ACE: variants seen among roughly 807,000 people sequenced by gnomAD.
ACE encodes the protein angiotensin I converting enzyme.
Under a neutral mutation model 162.3 loss-of-function variants are expected in ACE, and 122 were observed. That is an observed-to-expected ratio of 0.75 (90% confidence interval 0.65 to 0.87). The LOEUF is 0.87. ACE is among the 40% of genes least tolerant of loss of function. The probability of loss-of-function intolerance (pLI) is 0.00; values close to 1 mark genes in which losing one functional copy is unlikely to be tolerated. For missense variants in ACE, 1,799 were observed against 1,735.1 expected, an observed-to-expected ratio of 1.04 and a Z score of -0.65; for synonymous variants, 796 against 720.6, an observed-to-expected ratio of 1.10 and a Z score of -1.68.
At chr17:63,483,344 T>C in intron 9 of ACE, 116 bp from the exon 10 acceptor site, 1 of 1,469,304 alleles carries the variant, frequency 6.8e-7, no homozygotes, top group Non-Finnish European at 9.5e-7. Flanking sequence ...CAGGAAGTCT[T>C]CCCCAGTTCC....
intron 15 of ACE, 111 bp from the exon 16 acceptor site, chr17:63,488,537 C>A (rs1298440487): frequency 1.7e-6 from 2 of 1,165,424 alleles, no homozygotes; most frequent in Non-Finnish European, 2.5e-6. Context: ...CCTATACAGT[C>A]ACTTTTATGT....
chr17:63,478,988 C>T lies in ACE; in HGVS notation c.418-19C>T. ...CCAGGGGCTGGTCACTGGAGCATTC[C>T]TCCCCTCTGACTCCCCAGTACAACG... is the stretch of plus-strand genomic sequence containing the variant. On this transcript the variant is annotated intron_variant, in intron 2 of 24. Coordinates refer to ENST00000290866, the MANE Select transcript of ACE (RefSeq NM_000789.4). 1.2e-6 allele frequency: 2 copies of T among 1,607,062 alleles called. No individual in the cohort carries two copies. Among genetic ancestry groups the T allele is most frequent in the South Asian group, 1.1e-5 (1 of 90,512 alleles).
chr17:63,484,181 A>G lies in ACE; in HGVS notation c.1710-149A>G, dbSNP rs532218140. 1.6e-4 allele frequency: 197 copies of G among 1,217,380 alleles called. No individual in the cohort carries two copies. In the African/African-American group the frequency reaches 2.5e-3, roughly 15 times the overall value. The allele number at this position is 1,217,380 out of a possible 1,614,324, so 75.4% of individuals were successfully genotyped here. A position where few individuals can be genotyped will look rare whatever the true frequency, so the allele number is the denominator to read the frequency against. The stretch of plus-strand genomic sequence containing the variant: ...GGCGACACAAATGCCCCCTGCCACC[A>G]TCAGAGAGATCCCAGGCCCCAGGGT... On this transcript the variant is annotated intron_variant, in intron 11 of 24. Transcript: ENST00000290866. The surrounding 1 kb of genome is among the most constrained non-coding windows in gnomAD (Gnocchi z 4.0).
intron 22 of ACE, among the ~76,000 whole-genome samples, 162 bp downstream of exon 22, chr17:63,494,632 G>T (rs1330408760): frequency 1.3e-5 from 2 of 152,242 alleles, no homozygotes; most frequent in Non-Finnish European, 2.9e-5. Context: ...TGCCAAGGCT[G>T]ATGGGTTTTT....
rs4355 is a variant in ACE at position 63,494,124 on chromosome 17, G to C, written c.3281+58G>C. 5.3e-4 allele frequency: 854 copies of C among 1,608,488 alleles called. 8 individuals are homozygous for C. The African/African-American group carries it at 0.01, about 19-fold the overall frequency. On this transcript the variant is annotated intron_variant, in intron 21 of 24. Coordinates refer to ENST00000290866, the MANE Select transcript of ACE (RefSeq NM_000789.4). ...GGGATCTCTGCGAGTGTCTGCATGT[G>C]CCTGGGTGTCTGGATGGGCCAGGGT...
In ACE at chr17:63,484,580, G is replaced by T. The variant is rs1376674670; in HGVS notation, c.1921+39G>T. The T allele has an allele frequency of 1.3e-6, 2 of 1,581,062 alleles. No individual in the cohort carries two copies. Among genetic ancestry groups the T allele is most frequent in the Non-Finnish European group, 1.7e-6 (2 of 1,163,870 alleles). On this transcript the variant is annotated intron_variant, in intron 12 of 24. Coordinates refer to ENST00000290866, the MANE Select transcript of ACE (RefSeq NM_000789.4). The surrounding 1 kb of genome is among the most constrained non-coding windows in gnomAD (Gnocchi z 4.0). ...TGAGGATGGTGTGGGGCTAAGGTGG[G>T]TCCTCAACTCTGGGCTTGGCCCAGG...
At chr17:63,479,229 C>T in intron 3 of ACE, 129 bp downstream of exon 3, 1 of 795,164 alleles carries the variant, frequency 1.3e-6, no homozygotes, top group Non-Finnish European at 2.1e-6. Context: ...TGCCCTCCAA[C>T]TGGGGCTGGA....
intron 8 of ACE, 84 bp from the exon 9 acceptor site, chr17:63,482,945 C>G (rs1271074206): frequency 6.9e-7 from 1 of 1,451,882 alleles, no homozygotes; most frequent in Non-Finnish European, 9.7e-7. Flanking sequence ...GCCTCACTTT[C>G]TGCTGCCCCG....
At position 63,479,101 on chromosome 17, in the gene ACE, G is replaced by T. The variant is rs1426388118; in HGVS notation, c.511+1G>T. 6.2e-7 allele frequency: 1 copy of T among 1,611,102 alleles called. No homozygotes were observed. Among genetic ancestry groups the T allele is most frequent in the Non-Finnish European group, 8.5e-7 (1 of 1,178,806 alleles). ...GCCACCTGCTGGTCCCTGGACCCAG[G>T]TACGGCCCTTGCAGCTCCCCTCTCG... On this transcript the variant is annotated splice_donor_variant, in intron 3 of 24. Transcript: ENST00000290866. LOFTEE classifies it high-confidence loss of function.
At chr17:63,480,605 TA>T (rs2049691070) in intron 5 of ACE, 77 bp downstream of exon 5, 1 of 1,522,156 alleles carries the variant, frequency 6.6e-7, no homozygotes, top group Admixed American at 1.7e-5. Context: ...ATGTCCAGGG[TA>T]AGGGAAGGTG....
chr17:63,486,332 G>A (rs2029931921), intron 13 of ACE: 1 of 600,880 alleles, frequency 1.7e-6, no homozygotes, highest in Non-Finnish European at 3.0e-6. Context: ...CTCTGCCCCT[G>A]CCTGGATATG....
Position 63,493,479 on chromosome 17 carries a change from G to A in ACE, c.2956G>A (p.Ala986Thr). 1 of 1,613,906 alleles carries A rather than the reference G, an allele frequency of 6.2e-7. No homozygotes were observed. The highest frequency in any genetic ancestry group is 1.3e-5 in the African/African-American group (1 of 74,966). ...TTVNLEDLVV[A>T]HHEMGHIQYF... is the part of the protein sequence containing the mutation. ...CGTGAACTTGGAGGACCTGGTGGTG[G>A]CCCACCACGAAATGGGCCACATCCA... Residue 986 changes from alanine to threonine, a missense_variant, in exon 20 of 25, where the codon GCC becomes ACC. Transcript: ENST00000290866.
At position 63,480,268 on chromosome 17, in the gene ACE, G is replaced by A. The variant is rs972543112; in HGVS notation, c.656-69G>A. On this transcript the variant is annotated intron_variant, in intron 4 of 24. Transcript: ENST00000290866. The stretch of plus-strand genomic sequence containing the variant: ...CGGGCCTCGAGCCAGTGGAAGAGCC[G>A]ACTTACAGCTGAGAGGCTGAGGTCC... The A allele has an allele frequency of 1.3e-5, 21 of 1,559,324 alleles. No homozygotes were observed. In the Admixed American group the frequency reaches 2.0e-4, roughly 15 times the overall value.
Position 63,483,937 on chromosome 17 carries a change from A to T in ACE, c.1675A>T (p.Ile559Phe). Residue 559 changes from isoleucine (I) to phenylalanine (F), a missense_variant, in exon 11 of 25, where the codon ATC becomes TTC. Coordinates refer to ENST00000290866, the MANE Select transcript of ACE (RefSeq NM_000789.4). The part of the protein sequence containing the change: ...GYEGPLHQCD[I>F]YRSTKAGAKL... ...TGAGGGCCCACTGCACCAGTGTGAC[A>T]TCTACCGGTCCACCAAGGCAGGGGC... is the stretch of plus-strand genomic sequence containing the variant. 3.7e-6 allele frequency: 6 copies of T among 1,614,090 alleles called. No individual in the cohort carries two copies. Among genetic ancestry groups the T allele is most frequent in the Non-Finnish European group, 5.1e-6 (6 of 1,180,004 alleles).
At chr17:63,483,782 G>T (rs1263765038) in intron 10 of ACE, 67 bp from the exon 11 acceptor site, 1 of 1,611,452 alleles carries the variant, frequency 6.2e-7, no homozygotes, top group Non-Finnish European at 8.5e-7. Context: ...GCTGGATGGT[G>T]CCTGGGTAAG....
rs777638780 is a variant in ACE at position 63,484,569 on chromosome 17, G to A, written c.1921+28G>A. 1.3e-6 allele frequency: 2 copies of A among 1,594,048 alleles called. No individual in the cohort carries two copies. The highest frequency in any genetic ancestry group is 1.7e-5 in the Admixed American group (1 of 57,188). On this transcript the variant is annotated intron_variant, in intron 12 of 24. Transcript: ENST00000290866. The surrounding 1 kb of genome is among the most constrained non-coding windows in gnomAD (Gnocchi z 4.0). ...AAAGCCCTGAGTGAGGATGGTGTGG[G>A]GCTAAGGTGGGTCCTCAACTCTGGG...
Position 63,491,487 on chromosome 17 carries a change from G to T in ACE, c.2912+106G>T. On this transcript the variant is annotated intron_variant, in intron 19 of 24. Transcript: ENST00000290866. The surrounding 1 kb of genome is among the most constrained non-coding windows in gnomAD (Gnocchi z 4.4). ...CCCCCAGCTGGAGCCAGCAGGGCAG[G>T]ATGGGGACAGGGCCAGAGTTTGGGA... 1 of 1,465,730 alleles carries T rather than the reference G, an allele frequency of 6.8e-7. No individual in the cohort carries two copies. Among genetic ancestry groups the T allele is most frequent in the Non-Finnish European group, 9.4e-7 (1 of 1,058,552 alleles). 90.8% of individuals were successfully genotyped at this position (1,465,730 alleles called of 1,614,324 possible).
At position 63,484,607 on chromosome 17, in the gene ACE, C is replaced by T; in HGVS notation, c.1921+66C>T. ...CCTCAACTCTGGGCTTGGCCCAGGC[C>T]CCAGGTTCCTGGTCAGCTCCTACCA... On this transcript the variant is annotated intron_variant, in intron 12 of 24. Transcript: ENST00000290866. The surrounding 1 kb of genome is among the most constrained non-coding windows in gnomAD (Gnocchi z 4.0). 2.6e-6 allele frequency: 4 copies of T among 1,532,112 alleles called. No homozygotes were observed. The highest frequency in any genetic ancestry group is 3.5e-6 in the Non-Finnish European group (4 of 1,135,520). The allele number at this position is 1,532,112 out of a possible 1,614,324, so 94.9% of individuals were successfully genotyped here.
Position 63,497,816 on chromosome 17 carries a change from T to C in ACE, c.*450T>C. The C allele has an allele frequency of 2.9e-6, 1 of 341,384 alleles. No individual in the cohort carries two copies. Among genetic ancestry groups the C allele is most frequent in the South Asian group, 2.4e-5 (1 of 42,258 alleles). The allele number at this position is 341,384 out of a possible 1,614,324, so 21.1% of individuals were successfully genotyped here. On this transcript the variant is annotated 3_prime_UTR_variant, in exon 25 of 25. Transcript: ENST00000290866. ...CCCTCCAGCCCAGGCAGCCCGCCAC[T>C]GTCCTGCCACCGCAGGCAGCCCCTG... is the stretch of plus-strand genomic sequence containing the variant.
Sources: gnomAD v4.1 joint callset for allele counts (sites outside exome capture counted in the v4.1 genomes callset) on GRCh38, gnomAD v4.1.1 for gene constraint, Gnocchi (gnomAD v3.1) non-coding constraint, MANE v1.5 for transcripts, NCBI Gene and HGNC (gene_info 2026-07-23, HGNC 2026-07-21) for gene names.